H2AC4: variants seen among roughly 807,000 people sequenced by gnomAD.
The protein encoded by H2AC4 is H2A clustered histone 4, also known as histone H2A type 1-B/E.
Under a neutral mutation model 6.1 loss-of-function variants are expected in H2AC4, and 8 were observed. The observed-to-expected ratio is 1.31, with a 90% CI of 0.77 to 2.36. H2AC4 has a LOEUF of 2.36. H2AC4 is among the 30% of genes most tolerant of loss of function. H2AC4 has a pLI of 0.00. For synonymous variants in H2AC4, 129 were observed against 78.4 expected (o/e 1.64, Z -3.41); for missense variants, 260 against 180.4 (o/e 1.44, Z -2.53).
Position 26,033,615 on chromosome 6 carries a change from C to G in H2AC4, c.-47G>C, listed in dbSNP as rs76616834. 6.3e-7 allele frequency: 1 copy of G among 1,592,396 alleles called. No individual in the cohort carries two copies. The highest frequency in any genetic ancestry group is 8.6e-7 in the Non-Finnish European group (1 of 1,165,498). ...ATCGCCACAAGAAAATGTAATGAAA[C>G]TACATTAGAACGCAAGGCAGAGAAG... On this transcript the variant is annotated 5_prime_UTR_variant, in exon 1 of 1. Transcript: ENST00000615868.
chr6:26,033,615 CTACAT>C (rs764187930), exon 1 of H2AC4: 1 of 1,592,238 alleles, frequency 6.3e-7, no homozygotes, highest in African/African-American at 1.4e-5. Context: ...TGTAATGAAA[CTACAT>C]TAGAACGCAA....
Position 26,033,106 on chromosome 6 carries a change from A to G in H2AC4, c.*70T>C, listed in dbSNP as rs1256002110. The G allele has an allele frequency of 3.2e-6, 5 of 1,570,786 alleles. No homozygotes were observed. The highest frequency in any genetic ancestry group is 3.8e-5 in the Admixed American group (2 of 52,108). On this transcript the variant is annotated 3_prime_UTR_variant, in exon 1 of 1. Coordinates refer to ENST00000615868, the MANE Select transcript of H2AC4 (RefSeq NM_003513.3). ...TAATGGAAGTCGTAGGTGGCTCTGA[A>G]AAGAGCCTTTGCTGTTAGGCTGATT...
Position 26,033,493 on chromosome 6 carries a change from A to C in H2AC4, c.76T>G (p.Phe26Val). The change falls in exon 1 of 1, where the codon TTT becomes GTT. Residue 26 changes from phenylalanine (F) to valine (V), a missense_variant. Coordinates refer to ENST00000615868, the MANE Select transcript of H2AC4 (RefSeq NM_003513.3). Reference sequence around the variant, plus strand: ...AGGCGGTGCACTCGGCCCACAGGAAACTGCAAACCTGCACGAGAAGACCGA... The same window carrying C: ...AGGCGGTGCACTCGGCCCACAGGAACCTGCAAACCTGCACGAGAAGACCGA... ...KTRSSRAGLQ[F>V]PVGRVHRLLR... 1 of 1,614,128 alleles carries C rather than the reference A, an allele frequency of 6.2e-7. No individual in the cohort carries two copies. Among genetic ancestry groups the C allele is most frequent in the South Asian group, 1.1e-5 (1 of 91,078 alleles).
In H2AC4 at chr6:26,033,554, G is replaced by A. The variant is rs1023642472; in HGVS notation, c.15C>T (p.Gly5=). The A allele has an allele frequency of 1.8e-5, 29 of 1,601,116 alleles. No homozygotes were observed. Among genetic ancestry groups the A allele is most frequent in the Non-Finnish European group, 2.2e-5 (26 of 1,177,346 alleles). The change falls in exon 1 of 1, where the codon GGC becomes GGT. Residue 5 remains glycine, a synonymous_variant. Transcript: ENST00000615868. MSGR[G]KQGGKARAKA... is the part of the protein sequence containing the mutation. ...TGGCGCGAGCTTTACCGCCTTGTTTGCCGCGACCAGACATAACTACTTCTG... is the reference window on the plus strand; with the variant it reads ...TGGCGCGAGCTTTACCGCCTTGTTTACCGCGACCAGACATAACTACTTCTG...
In H2AC4 at chr6:26,033,559, G is replaced by C; in HGVS notation, c.10C>G (p.Arg4Gly). Residue 4 changes from arginine (R) to glycine (G), a missense_variant, in exon 1 of 1, where the codon CGC becomes GGC. Coordinates refer to ENST00000615868, the MANE Select transcript of H2AC4 (RefSeq NM_003513.3). The stretch of plus-strand genomic sequence containing the variant: ...CGAGCTTTACCGCCTTGTTTGCCGC[G>C]ACCAGACATAACTACTTCTGATAAG... The part of the protein sequence containing the change: MSG[R>G]GKQGGKARAK... The C allele has an allele frequency of 6.3e-7, 1 of 1,592,498 alleles. No individual in the cohort carries two copies.
chr6:26,033,558 C>CGACCA lies in H2AC4; in HGVS notation c.6_10dup (p.Arg4LeufsTer58). ...GCGAGCTTTACCGCCTTGTTTGCCG[C>CGACCA]GACCAGACATAACTACTTCTGATAA... On this transcript the variant is annotated frameshift_variant, in exon 1 of 1. Transcript: ENST00000615868. LOFTEE classifies it high-confidence loss of function. 6.3e-7 allele frequency: 1 copy of CGACCA among 1,594,044 alleles called. No individual in the cohort carries two copies. The highest frequency in any genetic ancestry group is 8.5e-7 in the Non-Finnish European group (1 of 1,175,358).
Position 26,033,587 on chromosome 6 carries a change from A to G in H2AC4, c.-19T>C, listed in dbSNP as rs62394549. ...CAGACATAACTACTTCTGATAAGGG[A>G]AAATCGCCACAAGAAAATGTAATGA... On this transcript the variant is annotated 5_prime_UTR_variant, in exon 1 of 1. Transcript: ENST00000615868. 7 of 1,288,828 alleles carry G rather than the reference A, an allele frequency of 5.4e-6. 1 individual carries two copies. The highest frequency in any genetic ancestry group is 3.9e-4 in the Middle Eastern group (2 of 5,122). 79.8% of individuals were successfully genotyped at this position (1,288,828 alleles called of 1,614,324 possible).
In H2AC4 at chr6:26,033,212, C is replaced by T. The variant is rs769954431; in HGVS notation, c.357G>A (p.Lys119=). ...LPNIQAVLLP[K]KTESHHKAKG... The stretch of plus-strand genomic sequence containing the variant: ...TGGCCTTATGATGGCTCTCAGTTTT[C>T]TTAGGCAGCAGCACCGCCTGAATAT... The change falls in exon 1 of 1, where the codon AAG becomes AAA. Residue 119 remains lysine, a synonymous_variant. Coordinates refer to ENST00000615868, the MANE Select transcript of H2AC4 (RefSeq NM_003513.3). 20 of 1,614,084 alleles carry T rather than the reference C, an allele frequency of 1.2e-5. No individual in the cohort carries two copies. The African/African-American group carries it at 1.9e-4, about 15-fold the overall frequency.
In H2AC4 at chr6:26,033,503, T is replaced by C. The variant is rs148013371; in HGVS notation, c.66A>G (p.Ala22=). 7 of 1,614,048 alleles carry C rather than the reference T, an allele frequency of 4.3e-6. No homozygotes were observed. In the African/African-American group the frequency reaches 9.3e-5, roughly 22 times the overall value. The change falls in exon 1 of 1, where the codon GCA becomes GCG. Residue 22 remains alanine, a synonymous_variant. Coordinates refer to ENST00000615868, the MANE Select transcript of H2AC4 (RefSeq NM_003513.3). Reference sequence around the variant, plus strand: ...CTCGGCCCACAGGAAACTGCAAACCTGCACGAGAAGACCGAGTCTTAGCCT... The same window carrying C: ...CTCGGCCCACAGGAAACTGCAAACCCGCACGAGAAGACCGAGTCTTAGCCT... The part of the protein sequence containing the change: ...RAKAKTRSSR[A]GLQFPVGRVH...
Position 26,033,413 on chromosome 6 carries a change from G to A in H2AC4, c.156C>T (p.Leu52=), listed in dbSNP as rs2230654. 254,573 of 1,613,936 alleles carry A rather than the reference G, an allele frequency of 0.16. 22,292 individuals are homozygous for A. Among genetic ancestry groups the A allele is most frequent in the African/African-American group, 0.31 (23,539 of 74,944 alleles). The part of the protein sequence containing the change: ...ERVGAGAPVY[L]AAVLEYLTAE... ...CGGTCAGGTACTCAAGCACCGCCGC[G>A]AGATACACCGGCGCGCCAGCCCCGA... Residue 52 remains leucine (L), a synonymous_variant, in exon 1 of 1, where the codon CTC becomes CTT. Coordinates refer to ENST00000615868, the MANE Select transcript of H2AC4 (RefSeq NM_003513.3).
chr6:26,033,421 C>A lies in H2AC4; in HGVS notation c.148G>T (p.Val50Leu), dbSNP rs375280077. 6.2e-6 allele frequency: 10 copies of A among 1,614,054 alleles called. No homozygotes were observed. The highest frequency in any genetic ancestry group is 2.2e-5 in the East Asian group (1 of 44,870). The change falls in exon 1 of 1, where the codon GTG becomes TTG. Residue 50 changes from valine to leucine, a missense_variant. By Grantham distance (32) the Val-to-Leu change is conservative. Coordinates refer to ENST00000615868, the MANE Select transcript of H2AC4 (RefSeq NM_003513.3). ...TACTCAAGCACCGCCGCGAGATACACCGGCGCGCCAGCCCCGACGCGCTCG... is the reference window on the plus strand; with the variant it reads ...TACTCAAGCACCGCCGCGAGATACAACGGCGCGCCAGCCCCGACGCGCTCG... ...YSERVGAGAP[V>L]YLAAVLEYLT...
rs372993129 is a variant in H2AC4 at position 26,033,379 on chromosome 6, G to C, written c.190C>G (p.Leu64Val). 1 of 1,614,020 alleles carries C rather than the reference G, an allele frequency of 6.2e-7. No individual in the cohort carries two copies. Among genetic ancestry groups the C allele is most frequent in the Admixed American group, 1.7e-5 (1 of 60,022 alleles). Residue 64 changes from leucine (L) to valine (V), a missense_variant, in exon 1 of 1, where the codon CTG becomes GTG. Transcript: ENST00000615868. ...AVLEYLTAEI[L>V]ELAGNAARDN... Reference sequence around the variant, plus strand: ...CGGGCCGCATTGCCCGCCAGCTCCAGGATCTCGGCGGTCAGGTACTCAAGC... The same window carrying C: ...CGGGCCGCATTGCCCGCCAGCTCCACGATCTCGGCGGTCAGGTACTCAAGC...
chr6:26,033,150 ACAG>A lies in H2AC4; in HGVS notation c.*23_*25del, dbSNP rs761312976. On this transcript the variant is annotated 3_prime_UTR_variant, in exon 1 of 1. Transcript: ENST00000615868. Reference sequence around the variant, plus strand: ...GCTGATTTTGTCTGCTGACAGAAAAACAGCAGTGCATGAAGCGTTAACTCTTCA... The same window carrying A: ...GCTGATTTTGTCTGCTGACAGAAAAACAGTGCATGAAGCGTTAACTCTTCA... 2 of 1,606,074 alleles carry A rather than the reference ACAG, an allele frequency of 1.2e-6. No individual in the cohort carries two copies. Among genetic ancestry groups the A allele is most frequent in the South Asian group, 1.1e-5 (1 of 89,444 alleles).
chr6:26,033,597 C>G lies in H2AC4; in HGVS notation c.-29G>C. The G allele has an allele frequency of 7.5e-6, 12 of 1,607,458 alleles. No individual in the cohort carries two copies. The highest frequency in any genetic ancestry group is 1.0e-5 in the Non-Finnish European group (12 of 1,177,988). ...TACTTCTGATAAGGGAAAATCGCCA[C>G]AAGAAAATGTAATGAAACTACATTA... On this transcript the variant is annotated 5_prime_UTR_variant, in exon 1 of 1. Coordinates refer to ENST00000615868, the MANE Select transcript of H2AC4 (RefSeq NM_003513.3).
At position 26,033,130 on chromosome 6, in the gene H2AC4, T is replaced by C. The variant is rs1761495674; in HGVS notation, c.*46A>G. 4 of 1,602,506 alleles carry C rather than the reference T, an allele frequency of 2.5e-6. No individual in the cohort carries two copies. Among genetic ancestry groups the C allele is most frequent in the African/African-American group, 2.7e-5 (2 of 73,888 alleles). ...AAAAGAGCCTTTGCTGTTAGGCTGA[T>C]TTTGTCTGCTGACAGAAAAACAGCA... On this transcript the variant is annotated 3_prime_UTR_variant, in exon 1 of 1. Transcript: ENST00000615868.
chr6:26,033,595 C>A lies in H2AC4; in HGVS notation c.-27G>T, dbSNP rs771957173. ...ACTACTTCTGATAAGGGAAAATCGC[C>A]ACAAGAAAATGTAATGAAACTACAT... On this transcript the variant is annotated 5_prime_UTR_variant, in exon 1 of 1. Coordinates refer to ENST00000615868, the MANE Select transcript of H2AC4 (RefSeq NM_003513.3). 2.5e-6 allele frequency: 4 copies of A among 1,607,510 alleles called. No individual in the cohort carries two copies. The highest frequency in any genetic ancestry group is 1.7e-5 in the Admixed American group (1 of 57,542).
In H2AC4 at chr6:26,033,545, G is replaced by A. The variant is rs749896825; in HGVS notation, c.24C>T (p.Gly8=). The A allele has an allele frequency of 1.1e-5, 18 of 1,610,974 alleles. No individual in the cohort carries two copies. Among genetic ancestry groups the A allele is most frequent in the African/African-American group, 1.1e-4 (8 of 73,410 alleles). ...TCTTAGCCTTGGCGCGAGCTTTACCGCCTTGTTTGCCGCGACCAGACATAA... is the reference window on the plus strand; with the variant it reads ...TCTTAGCCTTGGCGCGAGCTTTACCACCTTGTTTGCCGCGACCAGACATAA... MSGRGKQ[G]GKARAKAKTR... is the part of the protein sequence containing the mutation. Residue 8 remains glycine (G), a synonymous_variant, in exon 1 of 1, where the codon GGC becomes GGT. Transcript: ENST00000615868.
In H2AC4 at chr6:26,033,559, G is replaced by A. The variant is rs768475170; in HGVS notation, c.10C>T (p.Arg4Cys). Residue 4 changes from arginine to cysteine, a missense_variant, in exon 1 of 1, where the codon CGC becomes TGC. Coordinates refer to ENST00000615868, the MANE Select transcript of H2AC4 (RefSeq NM_003513.3). ...CGAGCTTTACCGCCTTGTTTGCCGC[G>A]ACCAGACATAACTACTTCTGATAAG... Reference protein sequence around the residue: MSGRGKQGGKARAK... With the variant: MSGCGKQGGKARAK... The A allele has an allele frequency of 5.8e-5, 93 of 1,592,360 alleles. No individual in the cohort carries two copies. Among genetic ancestry groups the A allele is most frequent in the Non-Finnish European group, 7.6e-5 (89 of 1,174,932 alleles).
At position 26,033,310 on chromosome 6, in the gene H2AC4, C is replaced by T; in HGVS notation, c.259G>A (p.Ala87Thr). The change falls in exon 1 of 1, where the codon GCC becomes ACC. Residue 87 changes from alanine to threonine, a missense_variant. Physicochemically the swap from Ala to Thr is moderately conservative, Grantham distance 58. Transcript: ENST00000615868. Reference protein sequence around the residue: ...TRIIPRHLQLAIRNDEELNKL... With the variant: ...TRIIPRHLQLTIRNDEELNKL... ...TTAAGCTCCTCGTCATTGCGGATGG[C>T]CAATTGCAGGTGGCGCGGGATGATG... 6.2e-7 allele frequency: 1 copy of T among 1,614,180 alleles called. No homozygotes were observed. The highest frequency in any genetic ancestry group is 8.5e-7 in the Non-Finnish European group (1 of 1,180,032).
Sources: allele counts gnomAD v4.1 joint callset, GRCh38; gene constraint gnomAD v4.1.1; transcripts MANE v1.5; gene names NCBI Gene and HGNC (gene_info 2026-07-23, HGNC 2026-07-21).